The following MYO10 variants were observed in gnomAD, a reference collection of about 807,000 sequenced individuals.
The protein encoded by MYO10 is unconventional myosin-X.
A neutral mutation model predicts 257.3 loss-of-function variants in MYO10; 133 were observed. That is an observed-to-expected ratio of 0.52 (90% CI 0.45 to 0.60). The LOEUF is 0.60. Ranked by LOEUF, MYO10 falls within the 20% of genes least tolerant of loss-of-function variation. MYO10 has a pLI of 0.00. For synonymous variants in MYO10, 1,104 were observed against 1,028.6 expected (o/e 1.07, Z -1.40); for missense variants, 2,399 against 2,635.7 (o/e 0.91, Z 1.97).
At chr5:16,870,930 G>A (rs1226595553) in intron 2 of MYO10, among the ~76,000 whole-genome samples, 1 of 152,118 alleles carries the variant, frequency 6.6e-6, no homozygotes, top group Non-Finnish European at 1.5e-5. Flanking sequence ...TGTTTTTAAA[G>A]ATATAGACAA....
In MYO10 at chr5:16,701,436, G is replaced by T. The variant is rs530654221; in HGVS notation, c.2959C>A (p.Pro987Thr). The change falls in exon 25 of 41, where the codon CCC becomes ACC. Residue 987 changes from proline to threonine, a missense_variant. Coordinates refer to ENST00000513610, the MANE Select transcript of MYO10 (RefSeq NM_012334.3). This position sits in a 1 kb window ranked among gnomAD's most constrained non-coding sequence, Gnocchi z 8.1. Reference protein sequence around the residue: ...EEKPNFNFSQPYPEEEVDEGF... With the variant: ...EEKPNFNFSQTYPEEEVDEGF... ...TCATCGACCTCCTCCTCTGGGTAGG[G>T]CTGGCTGAAGTTGAAGTTGGGCTTC... The T allele has an allele frequency of 6.8e-6, 11 of 1,613,988 alleles. No homozygotes were observed. The South Asian group carries it at 9.9e-5, about 14-fold the overall frequency.
chr5:16,684,318 A>T (rs1367821146), intron 29 of MYO10, among the ~76,000 whole-genome samples: 1 of 152,128 alleles, frequency 6.6e-6, no homozygotes, highest in Non-Finnish European at 1.5e-5. Context: ...TCTCAGCTCA[A>T]CGCAACCTCT....
chr5:16,668,225 TTC>T, intron 40 of MYO10, 50 bp downstream of exon 40: 3 of 1,527,192 alleles, frequency 2.0e-6, no homozygotes, highest in East Asian at 4.6e-5. Context: ...GGTCCTGTTT[TTC>T]TGTTTTGTCA....
rs70943811 is a variant in MYO10 at position 16,852,050 on chromosome 5, CAAAAAAAAAAA to C, written c.120+25548_120+25558del. On this transcript the variant is annotated intron_variant, in intron 2 of 40. Coordinates refer to ENST00000513610, the MANE Select transcript of MYO10 (RefSeq NM_012334.3). ...TGGGTGACAAAGCAAGACTCCATCT[CAAAAAAAAAAA>C]AAAAAAAAAAAAAAAAGAAGACTTA... Among the ~76,000 whole-genome samples, 42 of 42,572 alleles carry C rather than the reference CAAAAAAAAAAA, an allele frequency of 9.9e-4. No homozygotes were observed. The East Asian group carries it at 0.011, about 11-fold the overall frequency. 27.9% of individuals were successfully genotyped at this position (42,572 alleles called of 152,430 possible). A position where few individuals can be genotyped will look rare whatever the true frequency, so the allele number is the denominator to read the frequency against.
At chr5:16,925,665 G>A (rs1296464198) in intron 1 of MYO10, among the ~76,000 whole-genome samples, 1 of 152,160 alleles carries the variant, frequency 6.6e-6, no homozygotes, top group Non-Finnish European at 1.5e-5. Context: ...ACCCGCCTCG[G>A]CATCCCAAAG....
intron 2 of MYO10, among the ~76,000 whole-genome samples, chr5:16,864,148 ATTTT>A (rs34764765): frequency 2.3e-4 from 31 of 134,476 alleles, no homozygotes; most frequent in South Asian, 9.4e-4. Context: ...CTATGTGGCT[ATTTT>A]TTTTTTTTTT....
chr5:16,757,960 A>G (rs1451036424), intron 18 of MYO10, among the ~76,000 whole-genome samples, 158 bp downstream of exon 18: 1 of 152,250 alleles, frequency 6.6e-6, no homozygotes, highest in Non-Finnish European at 1.5e-5. Flanking sequence ...CCAAAACTCT[A>G]TTTTATTTCT....
intron 1 of MYO10, among the ~76,000 whole-genome samples, chr5:16,929,459 G>A (rs987422253): frequency 4.6e-5 from 7 of 152,184 alleles, no homozygotes; most frequent in African/African-American, 1.7e-4. Flanking sequence ...GGACAGAAAA[G>A]CATGGCAGTG....
At chr5:16,909,260 G>A (rs764793972) in intron 1 of MYO10, among the ~76,000 whole-genome samples, 2 of 152,068 alleles carry the variant, frequency 1.3e-5, no homozygotes, top group South Asian at 2.1e-4. Flanking sequence ...CGTAATCCCA[G>A]AACTTTGGGA....
At chr5:16,813,513 T>C (rs77753502) in intron 3 of MYO10, among the ~76,000 whole-genome samples, 1 of 150,006 alleles carries the variant, frequency 6.7e-6, no homozygotes, top group Non-Finnish European at 1.5e-5. Context: ...ATCATGTCAC[T>C]GCATTCCAGC....
At chr5:16,894,268 A>T (rs560551289) in intron 1 of MYO10, among the ~76,000 whole-genome samples, 5 of 152,250 alleles carry the variant, frequency 3.3e-5, no homozygotes, top group African/African-American at 1.2e-4. Context: ...TCCTTCTTTG[A>T]TAGCCTTGAC....
chr5:16,734,009 G>A (rs1418896089), intron 19 of MYO10, among the ~76,000 whole-genome samples: 3 of 152,032 alleles, frequency 2.0e-5, no homozygotes, highest in South Asian at 2.1e-4. Flanking sequence ...GCAGCCTGAC[G>A]CTTTCTCTAA....
intron 2 of MYO10, among the ~76,000 whole-genome samples, chr5:16,848,155 C>CTTTT (rs371042891): frequency 8.8e-6 from 1 of 113,590 alleles, no homozygotes; most frequent in Non-Finnish European, 1.7e-5. Flanking sequence ...CTACACATTT[C>CTTTT]TTTTTTTTTT....
At chr5:16,895,907 T>C (rs1745205134) in intron 1 of MYO10, among the ~76,000 whole-genome samples, 1 of 152,082 alleles carries the variant, frequency 6.6e-6, no homozygotes, top group African/African-American at 2.4e-5. Flanking sequence ...AGGGGGGCCC[T>C]GCCGCACAGC....
chr5:16,747,884 A>G (rs1740246775), intron 19 of MYO10, among the ~76,000 whole-genome samples: 1 of 139,956 alleles, frequency 7.1e-6, no homozygotes, highest in African/African-American at 2.6e-5. Flanking sequence ...GTGCCACTGC[A>G]CTCTAGACTG....
chr5:16,906,036 G>C (rs899163344), intron 1 of MYO10, among the ~76,000 whole-genome samples: 2 of 152,224 alleles, frequency 1.3e-5, no homozygotes, highest in Non-Finnish European at 2.9e-5. Context: ...ATGCAACAGA[G>C]ATTTCTTACA....
At chr5:16,769,341 T>G in intron 9 of MYO10, 138 bp from the exon 10 acceptor site, 1 of 1,005,340 alleles carries the variant, frequency 9.9e-7, no homozygotes, top group East Asian at 3.1e-5. Context: ...ACCACTCACT[T>G]GTTTTTTTGT....
chr5:16,704,235 G>C (rs552173611), intron 22 of MYO10, among the ~76,000 whole-genome samples: 1 of 152,148 alleles, frequency 6.6e-6, no homozygotes, highest in East Asian at 1.9e-4. Flanking sequence ...TGAGGTGAGA[G>C]AATTGCTTGA....
chr5:16,903,848 G>T (rs142948724), intron 1 of MYO10, among the ~76,000 whole-genome samples: 2 of 152,328 alleles, frequency 1.3e-5, no homozygotes, highest in African/African-American at 4.8e-5. Flanking sequence ...GCTTAGATGG[G>T]AGTGAGGACC....
Sources: allele counts gnomAD v4.1 joint callset (sites outside exome capture counted in the v4.1 genomes callset), GRCh38; gene constraint gnomAD v4.1.1; non-coding constraint Gnocchi (gnomAD v3.1); transcripts MANE v1.5; gene names NCBI Gene and HGNC (gene_info 2026-07-23, HGNC 2026-07-21).